Variants in CSMD1 observed in about 807,000 individuals in gnomAD.
The protein encoded by CSMD1 is CUB and sushi domain-containing protein 1.
Under a neutral mutation model 417.5 loss-of-function variants are expected in CSMD1, and 213 were observed. That is an observed-to-expected ratio of 0.51 (90% CI 0.46 to 0.57). The LOEUF (loss-of-function observed/expected upper bound fraction) is 0.57. Ranked by LOEUF, CSMD1 falls within the 20% of genes least tolerant of loss-of-function variation. CSMD1 has a pLI of 0.00. For synonymous variants in CSMD1, 2,862 were observed against 1,736.8 expected, an observed-to-expected ratio of 1.65 and a Z score of -16.11; for missense variants, 6,923 against 4,529.7, an observed-to-expected ratio of 1.53 and a Z score of -15.17.
chr8:4,968,547 T>A (rs1279690788), intron 1 of CSMD1, among the ~76,000 whole-genome samples: 3 of 152,096 alleles, frequency 2.0e-5, no homozygotes, highest in African/African-American at 7.2e-5. Flanking sequence ...CAATTAATAT[T>A]TTTTATATAT....
chr8:4,695,211 TG>T (rs913702393), intron 1 of CSMD1, among the ~76,000 whole-genome samples: 1 of 152,156 alleles, frequency 6.6e-6, no homozygotes, highest in Non-Finnish European at 1.5e-5. Flanking sequence ...TCCCTTCCTA[TG>T]GAAAGCTTGC....
At chr8:3,787,970 T>G (rs950594811) in intron 5 of CSMD1, among the ~76,000 whole-genome samples, 1 of 152,210 alleles carries the variant, frequency 6.6e-6, no homozygotes, top group Non-Finnish European at 1.5e-5. Flanking sequence ...CCTAATGCTC[T>G]TGAATAATTG....
intron 1 of CSMD1, among the ~76,000 whole-genome samples, chr8:4,915,501 G>A (rs1009907323): frequency 2.0e-5 from 3 of 152,082 alleles, no homozygotes; most frequent in Non-Finnish European, 4.4e-5. Flanking sequence ...TTTTTCTTGG[G>A]TTTCCATACA....
chr8:4,794,706 G>T (rs1797878435), intron 1 of CSMD1, among the ~76,000 whole-genome samples: 1 of 152,148 alleles, frequency 6.6e-6, no homozygotes, highest in African/African-American at 2.4e-5. Flanking sequence ...AAGGCCATGT[G>T]GCAGAGTATT....
At chr8:4,542,507 T>C (rs983636143) in intron 2 of CSMD1, among the ~76,000 whole-genome samples, 2 of 152,226 alleles carry the variant, frequency 1.3e-5, no homozygotes, top group Non-Finnish European at 2.9e-5. Flanking sequence ...GCACAATTAT[T>C]GAAGCCTCCT....
chr8:3,395,281 C>T (rs1338281286), intron 17 of CSMD1, among the ~76,000 whole-genome samples: 3 of 152,146 alleles, frequency 2.0e-5, no homozygotes, highest in Non-Finnish European at 4.4e-5. Flanking sequence ...AAGTCTGATT[C>T]CTTCAGGTCC....
intron 1 of CSMD1, among the ~76,000 whole-genome samples, chr8:4,753,896 T>C (rs1174507920): frequency 6.6e-6 from 1 of 152,198 alleles, no homozygotes; most frequent in Non-Finnish European, 1.5e-5. Context: ...GGCAGGGAGT[T>C]GTTTTCCTGT....
In CSMD1 at chr8:3,163,391, G is replaced by C. The variant is rs1349587981; in HGVS notation, c.5726-1114C>G. 2.6e-5 allele frequency among the ~76,000 whole-genome samples: 4 copies of C among 151,450 alleles called. No individual in the cohort carries two copies. In the East Asian group the frequency reaches 7.8e-4, roughly 30 times the overall value. ...AAGGAAGCTGGGGTGGAGGAGGTGA[G>C]TAGGACTTTAGTTAATCAGAAGGAA... On this transcript the variant is annotated intron_variant, in intron 37 of 69. Transcript: ENST00000635120.
intron 3 of CSMD1, among the ~76,000 whole-genome samples, chr8:4,038,518 A>G (rs1585182940): frequency 6.6e-6 from 1 of 152,206 alleles, no homozygotes; most frequent in South Asian, 2.1e-4. Flanking sequence ...CATTTCTGCC[A>G]ATTTCATTTT....
At position 4,597,433 on chromosome 8, in the gene CSMD1, G is replaced by C. The variant is rs576119000; in HGVS notation, c.302+39909C>G. 2.0e-5 allele frequency among the ~76,000 whole-genome samples: 3 copies of C among 152,106 alleles called. 1 individual carries two copies. The highest frequency in any genetic ancestry group is 7.2e-5 in the African/African-American group (3 of 41,488). ...ATCCCCAAATGTAAATTCACCCCTG[G>C]TCCTCTTGTAAACGAATGCTTTGAA... On this transcript the variant is annotated intron_variant, in intron 2 of 69. Coordinates refer to ENST00000635120, the MANE Select transcript of CSMD1 (RefSeq NM_033225.6).
At chr8:3,643,207 TG>T (rs1434363077) in intron 7 of CSMD1, among the ~76,000 whole-genome samples, 1 of 151,356 alleles carries the variant, frequency 6.6e-6, no homozygotes, top group Non-Finnish European at 1.5e-5. Context: ...ATCAGGATAA[TG>T]AAAATGGTGA....
chr8:4,291,531 A>G (rs770781665), intron 3 of CSMD1, among the ~76,000 whole-genome samples: 21 of 152,146 alleles, frequency 1.4e-4, no homozygotes, highest in Non-Finnish European at 5.9e-5. Flanking sequence ...GTACATTTTG[A>G]TTTACACATA....
chr8:4,038,273 A>T (rs760108477), intron 3 of CSMD1, among the ~76,000 whole-genome samples: 1 of 152,196 alleles, frequency 6.6e-6, no homozygotes, highest in Non-Finnish European at 1.5e-5. Context: ...AGAATAAATT[A>T]GAATATTTTC....
chr8:4,055,988 GCT>G (rs1000828323), intron 3 of CSMD1, among the ~76,000 whole-genome samples: 1 of 151,644 alleles, frequency 6.6e-6, no homozygotes, highest in South Asian at 2.1e-4. Flanking sequence ...CTACTAGAAG[GCT>G]CTGTTATGGA....
chr8:3,609,404 A>G (rs1403699105), intron 8 of CSMD1, among the ~76,000 whole-genome samples: 1 of 152,232 alleles, frequency 6.6e-6, no homozygotes, highest in African/African-American at 2.4e-5. Flanking sequence ...GGTGAAAAAT[A>G]CTGTCAGCAA....
intron 1 of CSMD1, among the ~76,000 whole-genome samples, chr8:4,943,509 GAAATAAAATA>G (rs71209140): frequency 3.9e-4 from 57 of 147,534 alleles, no homozygotes; most frequent in Non-Finnish European, 6.9e-4. Flanking sequence ...AAAATAAAAT[GAAATAAAATA>G]AAATAAAATA....
intron 10 of CSMD1, among the ~76,000 whole-genome samples, chr8:3,526,370 G>A (rs1342003455): frequency 6.6e-6 from 1 of 152,030 alleles, no homozygotes; most frequent in Non-Finnish European, 1.5e-5. Flanking sequence ...TGAGTTGAGA[G>A]TAATAACGTC....
At chr8:3,100,169 A>T (rs996661272) in intron 46 of CSMD1, among the ~76,000 whole-genome samples, 1 of 152,108 alleles carries the variant, frequency 6.6e-6, no homozygotes, top group African/African-American at 2.4e-5. Context: ...CTCCCACCTC[A>T]GCTGCCCGAG....
At chr8:3,872,843 A>G (rs111610412) in intron 5 of CSMD1, among the ~76,000 whole-genome samples, 1,954 of 152,020 alleles carry the variant, frequency 0.013, 37 homozygotes, top group African/African-American at 0.044. Flanking sequence ...CAGCTCCAAA[A>G]AAAAAAAAGA....
Sources: gnomAD v4.1 joint callset for allele counts (sites outside exome capture counted in the v4.1 genomes callset) on GRCh38, gnomAD v4.1.1 for gene constraint, MANE v1.5 for transcripts, NCBI Gene and HGNC (gene_info 2026-07-23, HGNC 2026-07-21) for gene names.